Variants in MYL12A observed in about 807,000 individuals in gnomAD.
The protein encoded by MYL12A is myosin light chain 12A, also known as myosin regulatory light chain 12A.
Under a neutral mutation model 13.3 loss-of-function variants are expected in MYL12A, and 11 were observed. The observed-to-expected ratio is 0.83, with a 90% CI of 0.52 to 1.37. MYL12A has a LOEUF of 1.37. Among genes scored for constraint, MYL12A ranks in the 40% most tolerant of loss-of-function variants. MYL12A has a pLI of 0.00. For synonymous variants in MYL12A, 51 were observed against 69.9 expected (o/e 0.73, Z 1.35); for missense variants, 146 against 212.3 (o/e 0.69, Z 1.94).
intron 1 of MYL12A, among the ~76,000 whole-genome samples, chr18:3,250,536 T>G (rs1247975561): frequency 6.6e-6 from 1 of 152,158 alleles, no homozygotes; most frequent in African/African-American, 2.4e-5. Context: ...GCAGCCAAAC[T>G]CCCTATCGCT....
intron 3 of MYL12A, 191 bp from the exon 4 acceptor site, chr18:3,255,555 G>C (rs1285141603): frequency 1.6e-6 from 1 of 616,890 alleles, no homozygotes; most frequent in Non-Finnish European, 2.6e-6. Flanking sequence ...GAGCAGTGCT[G>C]CTAAGCAGCT....
intron 1 of MYL12A, among the ~76,000 whole-genome samples, chr18:3,250,898 C>T (rs1417728734): frequency 3.3e-5 from 5 of 152,172 alleles, no homozygotes; most frequent in Admixed American, 3.3e-4. Flanking sequence ...GGAATGAAAA[C>T]TATGACTCAT....
chr18:3,251,221 A>G (rs1298194758), intron 1 of MYL12A, among the ~76,000 whole-genome samples: 1 of 152,174 alleles, frequency 6.6e-6, no homozygotes, highest in Admixed American at 6.5e-5. Context: ...TGATTAAAAG[A>G]ATAGGAAATA....
intron 1 of MYL12A, chr18:3,248,625 G>A (rs1241273573): frequency 6.6e-6 from 1 of 152,216 alleles, no homozygotes; most frequent in African/African-American, 2.4e-5. Flanking sequence ...GGCGAATAAA[G>A]CGAATATTTC....
At chr18:3,253,797 AT>A in intron 2 of MYL12A, 91 bp from the exon 3 acceptor site, 2 of 1,348,002 alleles carry the variant, frequency 1.5e-6, no homozygotes, top group Non-Finnish European at 1.0e-6. Context: ...AACTGTATGA[AT>A]GATAATCTTT....
intron 1 of MYL12A, among the ~76,000 whole-genome samples, chr18:3,250,112 T>C (rs886200861): frequency 1.3e-5 from 2 of 150,562 alleles, no homozygotes; most frequent in Non-Finnish European, 3.0e-5. Flanking sequence ...TTAGGAGATA[T>C]ACCTAATGTT....
At chr18:3,254,080 G>A (rs2081514629) in intron 3 of MYL12A, 30 bp downstream of exon 3, 2 of 1,596,992 alleles carry the variant, frequency 1.3e-6, no homozygotes, top group Non-Finnish European at 1.7e-6. Flanking sequence ...TAATTATAAA[G>A]TGATTTAATT....
chr18:3,256,208 G>T lies in MYL12A; in HGVS notation c.*290G>T. The stretch of plus-strand genomic sequence containing the variant: ...GAAAGTTATTCGCTCGATTTTTTCT[G>T]AATCATAATTAAACTTTATGATAAA... On this transcript the variant is annotated 3_prime_UTR_variant, in exon 4 of 4. Coordinates refer to ENST00000217652, the MANE Select transcript of MYL12A (RefSeq NM_006471.4). 3.3e-6 allele frequency: 1 copy of T among 298,986 alleles called. No individual in the cohort carries two copies. The highest frequency in any genetic ancestry group is 6.1e-6 in the Non-Finnish European group (1 of 163,086). The allele number at this position is 298,986 out of a possible 1,614,324, so 18.5% of individuals were successfully genotyped here.
At chr18:3,249,104 A>T (rs940403014) in intron 1 of MYL12A, among the ~76,000 whole-genome samples, 4 of 152,328 alleles carry the variant, frequency 2.6e-5, no homozygotes, top group East Asian at 1.9e-4. Context: ...TTGTAGAAGA[A>T]GTTTCTAGGT....
intron 2 of MYL12A, 32 bp downstream of exon 2, chr18:3,253,460 A>G (rs1360603884): frequency 6.2e-7 from 1 of 1,600,560 alleles, no homozygotes; most frequent in Admixed American, 1.7e-5. Flanking sequence ...AATCTATTGG[A>G]TAGAATTTCC....
chr18:3,249,511 A>C (rs555089474), intron 1 of MYL12A: 17 of 152,348 alleles, frequency 1.1e-4, no homozygotes, highest in African/African-American at 3.8e-4. Flanking sequence ...CATGCATCTG[A>C]AATCCTCATA....
chr18:3,249,770 T>C (rs909129522), intron 1 of MYL12A: 4 of 152,168 alleles, frequency 2.6e-5, no homozygotes, highest in African/African-American at 9.7e-5. Context: ...TAGCTGGGCA[T>C]GGTGGTGGGT....
At chr18:3,253,753 C>A in intron 2 of MYL12A, 136 bp from the exon 3 acceptor site, 1 of 1,017,624 alleles carries the variant, frequency 9.8e-7, no homozygotes, top group Non-Finnish European at 1.4e-6. Flanking sequence ...AACTTTCCCC[C>A]CAAATAGTTT....
intron 1 of MYL12A, among the ~76,000 whole-genome samples, chr18:3,251,591 A>G (rs987836149): frequency 3.3e-5 from 5 of 152,178 alleles, no homozygotes; most frequent in Non-Finnish European, 7.3e-5. Flanking sequence ...GGAATAATAT[A>G]TTCTATATCT....
At chr18:3,248,460 C>T (rs1277101654) in intron 1 of MYL12A, 2 of 152,100 alleles carry the variant, frequency 1.3e-5, no homozygotes, top group Non-Finnish European at 2.9e-5. Context: ...TACCTTGTCC[C>T]ATTTGGGGGG....
Position 3,256,066 on chromosome 18 carries a change from C to G in MYL12A, c.*148C>G, listed in dbSNP as rs931906385. On this transcript the variant is annotated 3_prime_UTR_variant, in exon 4 of 4. Coordinates refer to ENST00000217652, the MANE Select transcript of MYL12A (RefSeq NM_006471.4). The stretch of plus-strand genomic sequence containing the variant: ...GGGCATATGTATCTTTATAATCAGA[C>G]TGGAAACGGGACTTTCTATTAATAT... The G allele has an allele frequency of 1.0e-6, 1 of 999,132 alleles. No individual in the cohort carries two copies. The highest frequency in any genetic ancestry group is 1.5e-6 in the Non-Finnish European group (1 of 685,496). The allele number at this position is 999,132 out of a possible 1,614,324, so 61.9% of individuals were successfully genotyped here.
intron 1 of MYL12A, 48 bp from the exon 2 acceptor site, chr18:3,253,184 TA>T: frequency 2.0e-6 from 3 of 1,535,350 alleles, no homozygotes; most frequent in Non-Finnish European, 2.6e-6. Context: ...CAAACTTAAG[TA>T]ATCTTAGATG....
In MYL12A at chr18:3,255,850, A is replaced by T. The variant is rs1265573081; in HGVS notation, c.448A>T (p.Lys150Ter). Reference sequence around the variant, plus strand: ...GTACAGAGAAGCACCTATTGATAAAAAGGGGAATTTCAATTACATCGAGTT... The same window carrying T: ...GTACAGAGAAGCACCTATTGATAAATAGGGGAATTTCAATTACATCGAGTT... ...ELYREAPIDKKGNFNYIEFTR... is the reference protein window; with the variant it reads ...ELYREAPIDK The change falls in exon 4 of 4, where the codon AAG (lysine) becomes TAG (stop). Residue 150 changes from lysine to a stop codon, truncating the protein, a stop_gained. Transcript: ENST00000217652. LOFTEE classifies it high-confidence loss of function. The T allele has an allele frequency of 3.1e-6, 5 of 1,614,032 alleles. No individual in the cohort carries two copies. Among genetic ancestry groups the T allele is most frequent in the Non-Finnish European group, 4.2e-6 (5 of 1,180,028 alleles).
chr18:3,249,330 C>T (rs1410079818), intron 1 of MYL12A: 1 of 152,156 alleles, frequency 6.6e-6, no homozygotes, highest in African/African-American at 2.4e-5. Context: ...CTAACATTTT[C>T]CTTAATCATG....
Sources: allele counts gnomAD v4.1 joint callset (sites outside exome capture counted in the v4.1 genomes callset), GRCh38; gene constraint gnomAD v4.1.1; transcripts MANE v1.5; gene names NCBI Gene and HGNC (gene_info 2026-07-23, HGNC 2026-07-21).